The following C4orf50 variants were observed in gnomAD, a reference collection of about 807,000 sequenced individuals.
C4orf50 encodes the protein chromosome 4 open reading frame 50, also known as uncharacterized protein C4orf50.
C4orf50 carries 80 observed loss-of-function variants against 77.2 expected under a neutral mutation model. The ratio of observed to expected loss-of-function variants is 1.04; its 90% CI spans 0.87 to 1.25. The LOEUF (loss-of-function observed/expected upper bound fraction) is 1.25, where lower values mean the gene tolerates loss of function less well. Ranked by LOEUF, C4orf50 falls within the 50% of genes most tolerant of loss-of-function variation. The probability of loss-of-function intolerance (pLI) is 0.00; values close to 1 mark genes in which losing one functional copy is unlikely to be tolerated. For synonymous variants in C4orf50, 532 were observed against 465.3 expected, an observed-to-expected ratio of 1.14 and a Z score of -1.84; for missense variants, 1,257 against 1,152.9, an observed-to-expected ratio of 1.09 and a Z score of -1.31.
downstream of C4orf50, among the ~76,000 whole-genome samples, chr4:5,954,326 G>A (rs1249208599): frequency 1.3e-5 from 2 of 152,142 alleles, no homozygotes; most frequent in Admixed American, 1.3e-4. The surrounding 1 kb of genome is among the most constrained non-coding windows in gnomAD (Gnocchi z 4.7). Flanking sequence ...GCATGGGGAA[G>A]CAGCAGCAGC....
chr4:5,992,595 C>G lies in C4orf50; in HGVS notation c.1221+208G>C, dbSNP rs1007020138. ...AAGCCCAGGCCTGGCACCCAGTTAA[C>G]CCCCTTCCTCCCCACCCCCCATCCA... On this transcript the variant is annotated intron_variant, in intron 27 of 33. Transcript: ENST00000531445. The surrounding 1 kb of genome is among the most constrained non-coding windows in gnomAD (Gnocchi z 5.0). Among the ~76,000 whole-genome samples the G allele has an allele frequency of 6.6e-6, 1 of 152,060 alleles. No homozygotes were observed. The highest frequency in any genetic ancestry group is 2.4e-5 in the African/African-American group (1 of 41,406).
intron 29 of C4orf50, among the ~76,000 whole-genome samples, chr4:5,979,467 C>T (rs182981139): frequency 1.3e-5 from 2 of 152,292 alleles, no homozygotes; most frequent in East Asian, 3.9e-4. Context: ...TAATTTCAAA[C>T]ATGTACACAT....
At chr4:5,999,398 G>A (rs988772443) in intron 25 of C4orf50, among the ~76,000 whole-genome samples, 8 of 152,082 alleles carry the variant, frequency 5.3e-5, no homozygotes, top group Admixed American at 2.0e-4. Context: ...ACATTACCAC[G>A]CTGGGCAGGC....
At chr4:5,937,120 G>T (rs528837704) in intron 7 of C4orf50, among the ~76,000 whole-genome samples, 84 of 151,964 alleles carry the variant, frequency 5.5e-4, no homozygotes, top group Admixed American at 1.8e-3. Flanking sequence ...ATGTGCTCCA[G>T]GGAGAACTAA....
chr4:5,984,696 C>A (rs1490743542), intron 28 of C4orf50, among the ~76,000 whole-genome samples: 1 of 151,846 alleles, frequency 6.6e-6, no homozygotes, highest in Non-Finnish European at 1.5e-5. Flanking sequence ...AAAACTGATA[C>A]AGGATTTTTG....
At chr4:5,921,297 A>T (rs2108737920) in intron 7 of C4orf50, among the ~76,000 whole-genome samples, 1 of 152,264 alleles carries the variant, frequency 6.6e-6, no homozygotes, top group Non-Finnish European at 1.5e-5. Context: ...GTGCAAGTGG[A>T]TTCTGTTCAG....
At chr4:5,996,576 T>C (rs549176414) in intron 25 of C4orf50, among the ~76,000 whole-genome samples, 163 of 152,304 alleles carry the variant, frequency 1.1e-3, no homozygotes, top group Non-Finnish European at 1.9e-3. Context: ...TTCTGGGACC[T>C]GCTTAAAGGC....
intron 7 of C4orf50, among the ~76,000 whole-genome samples, chr4:5,910,848 A>G (rs1003146015): frequency 2.7e-5 from 4 of 149,872 alleles, no homozygotes; most frequent in African/African-American, 7.4e-5. Context: ...AAGTAGCACC[A>G]TGTCCCTATT....
chr4:5,951,339 A>AG (rs11399075), intron 7 of C4orf50, among the ~76,000 whole-genome samples: 104,529 of 151,972 alleles, frequency 0.69, 37,066 homozygotes, highest in African/African-American at 0.8. Context: ...GAGGGAATGA[A>AG]GGGGGGTGGT....
intron 28 of C4orf50, among the ~76,000 whole-genome samples, chr4:5,982,049 A>AT (rs571078269): frequency 8.9e-4 from 135 of 150,908 alleles, no homozygotes; most frequent in African/African-American, 2.7e-3. Flanking sequence ...ATAGCAGAAG[A>AT]TTTTTTTTTT....
chr4:5,960,873 C>T (rs561292168), intron 33 of C4orf50, among the ~76,000 whole-genome samples: 2 of 152,198 alleles, frequency 1.3e-5, no homozygotes, highest in South Asian at 2.1e-4. Flanking sequence ...TAATGATAGT[C>T]GGCCTGGCTC....
chr4:5,971,215 A>C (rs1289411141), intron 31 of C4orf50, among the ~76,000 whole-genome samples: 2 of 152,200 alleles, frequency 1.3e-5, no homozygotes, highest in Non-Finnish European at 2.9e-5. Context: ...GCCAGAGCCC[A>C]AAGGCCCCCA....
chr4:5,959,708 A>G (rs1290001256), intron 33 of C4orf50, 82 bp from the exon 12 acceptor site: 1 of 1,490,924 alleles, frequency 6.7e-7, no homozygotes, highest in Admixed American at 2.2e-5. Flanking sequence ...AATCAAAGGA[A>G]GAGATGACAG....
rs760642966 is a variant in C4orf50 at position 6,008,314 on chromosome 4, G to T, written c.645C>A (p.Ala215=). ...CCCACTGGGCCAGCAGGAGGCCCGC[G>T]GCGCGGCAGAGGCGCCGCACGTTGC... Residue 215 remains alanine, a synonymous_variant, in exon 25 of 34, where the codon GCC becomes GCA. Transcript: ENST00000531445. This position sits in a 1 kb window ranked among gnomAD's most constrained non-coding sequence, Gnocchi z 6.0. 1.3e-5 allele frequency: 5 copies of T among 388,742 alleles called. No individual in the cohort carries two copies. The highest frequency in any genetic ancestry group is 3.7e-5 in the East Asian group (1 of 27,078). The allele number at this position is 388,742 out of a possible 1,614,324, so 24.1% of individuals were successfully genotyped here.
chr4:5,938,372 C>T lies in C4orf50; in HGVS notation c.*2474+18529G>A, dbSNP rs573484066. Among the ~76,000 whole-genome samples the T allele has an allele frequency of 6.4e-4, 97 of 152,316 alleles. 1 individual carries two copies. Among genetic ancestry groups the T allele is most frequent in the Non-Finnish European group, 5.6e-4 (38 of 68,018 alleles). Reference sequence around the variant, plus strand: ...ATTAGGAGAATCATAGAGTCTTTGTCACCAAGGGGCTCTCTCTTCAATAAC... The same window carrying T: ...ATTAGGAGAATCATAGAGTCTTTGTTACCAAGGGGCTCTCTCTTCAATAAC... On this transcript the variant is annotated intron_variant, in intron 7 of 7. Transcript: ENST00000324058.
intron 7 of C4orf50, among the ~76,000 whole-genome samples, chr4:5,914,131 T>C (rs1472091689): frequency 6.6e-6 from 1 of 151,790 alleles, no homozygotes; most frequent in Admixed American, 6.6e-5. Flanking sequence ...GAATATTGTA[T>C]GGAAACTTAC....
In C4orf50 at chr4:5,989,560, C is replaced by T. The variant is rs1025110013; in HGVS notation, c.2486G>A (p.Cys829Tyr). The T allele has an allele frequency of 5.2e-6, 8 of 1,536,036 alleles. No homozygotes were observed. In the African/African-American group the frequency reaches 9.6e-5, roughly 18 times the overall value. Reference sequence around the variant, plus strand: ...CTCTCCCCTACATGCAGAGGCTGAGCACTGCCAGCCCCTGCTGCCCGGCTG... The same window carrying T: ...CTCTCCCCTACATGCAGAGGCTGAGTACTGCCAGCCCCTGCTGCCCGGCTG... The change falls in exon 28 of 34, where the codon TGC becomes TAC. Residue 829 changes from cysteine (C) to tyrosine (Y), a missense_variant. Transcript: ENST00000531445.
At chr4:5,979,619 T>G (rs939989388) in intron 29 of C4orf50, among the ~76,000 whole-genome samples, 2 of 152,242 alleles carry the variant, frequency 1.3e-5, no homozygotes, top group African/African-American at 4.8e-5. Flanking sequence ...AGAGCCCTCT[T>G]GTACATGTTT....
At chr4:5,987,128 AG>A (rs1720904496) in intron 28 of C4orf50, among the ~76,000 whole-genome samples, 1 of 152,076 alleles carries the variant, frequency 6.6e-6, no homozygotes, top group South Asian at 2.1e-4. Flanking sequence ...GAATATAATA[AG>A]GCCTCGTACG....
Sources: gnomAD v4.1 joint callset for allele counts (sites outside exome capture counted in the v4.1 genomes callset) on GRCh38, gnomAD v4.1.1 for gene constraint, Gnocchi (gnomAD v3.1) non-coding constraint, MANE v1.5 for transcripts, NCBI Gene and HGNC (gene_info 2026-07-23, HGNC 2026-07-21) for gene names.